Variants in SLC4A4 observed in about 807,000 individuals in gnomAD.
The protein encoded by SLC4A4 is electrogenic sodium bicarbonate cotransporter 1.
SLC4A4 carries 27 observed loss-of-function variants against 111.5 expected under a neutral mutation model. The ratio of observed to expected loss-of-function variants is 0.24; its 90% CI spans 0.18 to 0.33. The LOEUF (loss-of-function observed/expected upper bound fraction) is 0.33, where lower values mean the gene tolerates loss of function less well. Among genes scored for constraint, SLC4A4 ranks in the 10% least tolerant of loss-of-function variants. The pLI is 1.00. For missense variants in SLC4A4, 909 were observed against 1,315.5 expected, an observed-to-expected ratio of 0.69 and a Z score of 4.78; for synonymous variants, 443 against 463.4, an observed-to-expected ratio of 0.96 and a Z score of 0.57.
At chr4:71,280,231 A>G (rs1014722049) in intron 3 of SLC4A4, among the ~76,000 whole-genome samples, 3 of 152,220 alleles carry the variant, frequency 2.0e-5, no homozygotes, top group African/African-American at 7.2e-5. Context: ...AGAAATATCT[A>G]TTCAAGTTCT....
intron 5 of SLC4A4, among the ~76,000 whole-genome samples, chr4:71,352,634 C>T (rs188537972): frequency 3.9e-5 from 6 of 152,268 alleles, no homozygotes; most frequent in Admixed American, 3.9e-4. Flanking sequence ...GTCTTCATTC[C>T]CTCATCTATA....
At chr4:71,393,867 C>T (rs1015062694) in intron 6 of SLC4A4, among the ~76,000 whole-genome samples, 1 of 152,106 alleles carries the variant, frequency 6.6e-6, no homozygotes, top group Non-Finnish European at 1.5e-5. Flanking sequence ...CAAATACTTA[C>T]AACCAACTGA....
chr4:71,137,843 A>T lies in SLC4A4; in HGVS notation c.-2+45051A>T, dbSNP rs185429712. ...TGTTTTGCTCACAAGTATAAAGACA[A>T]AGAACTACTTTAATAGGAAGTTTCA... On this transcript the variant is annotated intron_variant, in intron 2 of 26. Coordinates refer to the SLC4A4 transcript ENST00000649996. 2.6e-5 allele frequency among the ~76,000 whole-genome samples: 4 copies of T among 152,350 alleles called. No homozygotes were observed. In the South Asian group the frequency reaches 6.2e-4, roughly 24 times the overall value.
chr4:71,371,197 A>C (rs919984683), intron 6 of SLC4A4, among the ~76,000 whole-genome samples: 16 of 150,024 alleles, frequency 1.1e-4, no homozygotes, highest in Non-Finnish European at 2.1e-4. Context: ...ATCATGGAAA[A>C]TCCTACCTCC....
intron 1 of SLC4A4, among the ~76,000 whole-genome samples, chr4:71,234,444 G>C (rs1719657982): frequency 6.6e-6 from 1 of 151,930 alleles, no homozygotes; most frequent in Non-Finnish European, 1.5e-5. Context: ...TCTTTTTTTT[G>C]AGACGGAGTC....
intron 8 of SLC4A4, among the ~76,000 whole-genome samples, chr4:71,444,001 A>C (rs1725004973): frequency 6.6e-6 from 1 of 152,208 alleles, no homozygotes; most frequent in Non-Finnish European, 1.5e-5. Context: ...TGGAAGCCAC[A>C]GTTTAGCCAC....
At chr4:71,121,828 G>C (rs1408465556) in intron 2 of SLC4A4, among the ~76,000 whole-genome samples, 2 of 152,104 alleles carry the variant, frequency 1.3e-5, no homozygotes, top group African/African-American at 2.4e-5. Flanking sequence ...TCTCGCTGCT[G>C]CTCACTCTTT....
At chr4:71,172,533 C>T (rs973072375) in intron 2 of SLC4A4, among the ~76,000 whole-genome samples, 8 of 152,200 alleles carry the variant, frequency 5.3e-5, no homozygotes, top group South Asian at 2.1e-4. Context: ...GGATTACAGG[C>T]GTGAGCCACC....
chr4:71,504,668 G>A (rs1359987154), intron 16 of SLC4A4, among the ~76,000 whole-genome samples: 1 of 144,140 alleles, frequency 6.9e-6, no homozygotes, highest in South Asian at 2.2e-4. Context: ...TTTCATGGGG[G>A]GGGGGGTGTT....
intron 18 of SLC4A4, among the ~76,000 whole-genome samples, chr4:71,537,008 A>AT (rs1381900165): frequency 6.6e-6 from 1 of 151,734 alleles, no homozygotes; most frequent in Non-Finnish European, 1.5e-5. Flanking sequence ...ACATATACAT[A>AT]TACATATCCT....
intron 24 of SLC4A4, among the ~76,000 whole-genome samples, chr4:71,566,284 A>G (rs1382995030): frequency 6.6e-6 from 1 of 151,776 alleles, no homozygotes; most frequent in African/African-American, 2.4e-5. Context: ...TCCATGGAGC[A>G]TTAATAGCAA....
intron 23 of SLC4A4, among the ~76,000 whole-genome samples, chr4:71,561,087 A>AT (rs1166881304): frequency 1.3e-4 from 20 of 151,712 alleles, no homozygotes; most frequent in Non-Finnish European, 8.9e-5. Context: ...TTTGCTCTGG[A>AT]TTTTACACAG....
At chr4:71,478,019 A>G (rs945369868) in intron 14 of SLC4A4, among the ~76,000 whole-genome samples, 1 of 152,024 alleles carries the variant, frequency 6.6e-6, no homozygotes. Context: ...AAAAAAGTTC[A>G]TTATTGCTGG....
intron 2 of SLC4A4, among the ~76,000 whole-genome samples, chr4:71,178,925 C>A (rs943020675): frequency 1.3e-5 from 2 of 152,162 alleles, no homozygotes; most frequent in Non-Finnish European, 2.9e-5. Flanking sequence ...AGACCAATAT[C>A]CCTGATGAAC....
chr4:71,394,528 C>T (rs1719618058), intron 6 of SLC4A4, among the ~76,000 whole-genome samples: 1 of 152,074 alleles, frequency 6.6e-6, no homozygotes, highest in Non-Finnish European at 1.5e-5. Context: ...TGGCGGTGAT[C>T]AGGGAACACT....
intron 7 of SLC4A4, among the ~76,000 whole-genome samples, chr4:71,439,626 C>T (rs1724525412): frequency 6.6e-6 from 1 of 151,504 alleles, no homozygotes; most frequent in Non-Finnish European, 1.5e-5. Context: ...CTTGGTTTTC[C>T]TCCCCTTTTT....
intron 2 of SLC4A4, among the ~76,000 whole-genome samples, chr4:71,243,927 T>C (rs1435084249): frequency 1.3e-5 from 2 of 152,194 alleles, no homozygotes; most frequent in African/African-American, 4.8e-5. Context: ...GAATGCTCAG[T>C]AACTTTTACC....
intron 6 of SLC4A4, among the ~76,000 whole-genome samples, chr4:71,365,791 C>T (rs997765162): frequency 6.6e-6 from 1 of 152,092 alleles, no homozygotes; most frequent in Non-Finnish European, 1.5e-5. Flanking sequence ...AATAATGCCT[C>T]ACATTATTAT....
chr4:71,198,457 C>T (rs1294529909), intron 1 of SLC4A4, among the ~76,000 whole-genome samples: 1 of 152,090 alleles, frequency 6.6e-6, no homozygotes, highest in Non-Finnish European at 1.5e-5. Flanking sequence ...GGTCTTGCAC[C>T]TCAGGGCAGA....
Sources: allele counts gnomAD v4.1 joint callset (sites outside exome capture counted in the v4.1 genomes callset), GRCh38; gene constraint gnomAD v4.1.1; transcripts MANE v1.5; gene names NCBI Gene and HGNC (gene_info 2026-07-23, HGNC 2026-07-21).